STK31: variants seen among roughly 807,000 people sequenced by gnomAD.
The protein encoded by STK31 is serine/threonine-protein kinase 31.
STK31 carries 89 observed loss-of-function variants against 129.7 expected under a neutral mutation model. The ratio of observed to expected loss-of-function variants is 0.69; its 90% confidence interval spans 0.58 to 0.82. The LOEUF is 0.82. STK31 is among the 40% of genes least tolerant of loss of function. STK31 has a pLI of 0.00. For missense variants in STK31, 1,187 were observed against 1,176.4 expected, an observed-to-expected ratio of 1.01 and a Z score of -0.13; for synonymous variants, 448 against 395.3, an observed-to-expected ratio of 1.13 and a Z score of -1.58.
At chr7:23,778,748 G>A (rs1790717288) in intron 15 of STK31, among the ~76,000 whole-genome samples, 1 of 151,796 alleles carries the variant, frequency 6.6e-6, no homozygotes, top group Non-Finnish European at 1.5e-5. Context: ...TTTTTTCAAG[G>A]TTCTTAGCTT....
chr7:23,792,306 A>G (rs933809917), intron 22 of STK31, among the ~76,000 whole-genome samples: 2 of 152,208 alleles, frequency 1.3e-5, no homozygotes, highest in Non-Finnish European at 2.9e-5. Context: ...ATTTCAATAT[A>G]ATTGTGTTTT....
At chr7:23,763,757 A>T (rs371961102) in intron 11 of STK31, among the ~76,000 whole-genome samples, 3 of 111,480 alleles carry the variant, frequency 2.7e-5, no homozygotes, top group East Asian at 4.9e-4. Context: ...TTCATTTGAA[A>T]TGTTTTCATT....
intron 23 of STK31, among the ~76,000 whole-genome samples, chr7:23,821,810 A>G (rs1056371944): frequency 1.3e-5 from 2 of 152,112 alleles, no homozygotes; most frequent in African/African-American, 4.8e-5. Context: ...TCTTTAATCA[A>G]TCTTGAATTG....
chr7:23,781,159 A>G (rs1017741794), intron 15 of STK31, among the ~76,000 whole-genome samples: 4 of 152,242 alleles, frequency 2.6e-5, no homozygotes, highest in African/African-American at 9.6e-5. Flanking sequence ...AATCTACAGC[A>G]GATGAAGAGA....
chr7:23,741,914 G>A (rs1371023270), intron 8 of STK31, among the ~76,000 whole-genome samples: 1 of 152,208 alleles, frequency 6.6e-6, no homozygotes, highest in Admixed American at 6.5e-5. Flanking sequence ...TCAGGCCAAA[G>A]TTGGGCCACA....
intron 4 of STK31, 138 bp downstream of exon 4, chr7:23,717,717 G>A: frequency 3.2e-6 from 2 of 630,824 alleles, no homozygotes; most frequent in South Asian, 2.1e-5. Context: ...TACTGTTATG[G>A]TATATTTATT....
chr7:23,788,495 G>A (rs974004049), intron 21 of STK31, among the ~76,000 whole-genome samples: 2 of 152,036 alleles, frequency 1.3e-5, no homozygotes, highest in Admixed American at 6.6e-5. Flanking sequence ...TTACATATAC[G>A]TACTTTGCTG....
At chr7:23,818,601 A>C (rs931756867) in intron 23 of STK31, among the ~76,000 whole-genome samples, 1 of 136,830 alleles carries the variant, frequency 7.3e-6, no homozygotes, top group Non-Finnish European at 1.5e-5. Context: ...TTCCTTCTTC[A>C]CTGCTTTTTT....
At position 23,785,545 on chromosome 7, in the gene STK31, T is replaced by A; in HGVS notation, c.2216T>A (p.Leu739His). 1 of 1,614,044 alleles carries A rather than the reference T, an allele frequency of 6.2e-7. No individual in the cohort carries two copies. The highest frequency in any genetic ancestry group is 1.1e-5 in the South Asian group (1 of 91,082). ...DLLDAEPMKE[L>H]SSKRPLVRSE... Reference sequence around the variant, plus strand: ...CTTGATGCTGAGCCCATGAAGGAACTTAGCAGCAAGCGTCCTTTGGTACGT... The same window carrying A: ...CTTGATGCTGAGCCCATGAAGGAACATAGCAGCAAGCGTCCTTTGGTACGT... The change falls in exon 18 of 24, where the codon CTT becomes CAT. Residue 739 changes from leucine to histidine, a missense_variant. Coordinates refer to ENST00000355870, the MANE Select transcript of STK31 (RefSeq NM_031414.5).
At chr7:23,749,465 C>G (rs4722263) in intron 8 of STK31, among the ~76,000 whole-genome samples, 68,381 of 147,874 alleles carry the variant, frequency 0.46, 16,350 homozygotes, top group Admixed American at 0.55. Context: ...ACCTCAGCCT[C>G]CTGAGTAACT....
At chr7:23,762,293 G>A (rs1789523648) in intron 10 of STK31, among the ~76,000 whole-genome samples, 1 of 137,160 alleles carries the variant, frequency 7.3e-6, no homozygotes, top group Admixed American at 8.7e-5. Context: ...TCTTTCTTGG[G>A]TACAGGATGG....
At chr7:23,743,097 G>C (rs11982084) in intron 8 of STK31, among the ~76,000 whole-genome samples, 69,722 of 149,950 alleles carry the variant, frequency 0.46, 16,830 homozygotes, top group Admixed American at 0.55. Context: ...GGATTATAAG[G>C]ACCTGCCACC....
chr7:23,721,382 A>T, intron 4 of STK31: 1 of 1,009,434 alleles, frequency 9.9e-7, no homozygotes, highest in Non-Finnish European at 1.5e-6. Context: ...TTTTCTCAGT[A>T]AATTTTGAGG....
intron 4 of STK31, among the ~76,000 whole-genome samples, chr7:23,726,890 A>G (rs1026787485): frequency 1.3e-5 from 2 of 152,240 alleles, no homozygotes; most frequent in Admixed American, 6.5e-5. Context: ...AAATTGTACC[A>G]ATTATCGCCT....
chr7:23,733,382 T>C (rs1297468155), intron 6 of STK31, among the ~76,000 whole-genome samples: 1 of 146,594 alleles, frequency 6.8e-6, no homozygotes, highest in African/African-American at 2.5e-5. Flanking sequence ...CAAGACCCCA[T>C]CTAAAAAATT....
At chr7:23,814,449 AG>A (rs1373478484) in intron 22 of STK31, among the ~76,000 whole-genome samples, 1 of 152,024 alleles carries the variant, frequency 6.6e-6, no homozygotes, top group Non-Finnish European at 1.5e-5. Context: ...TTTGAAAGCT[AG>A]GTATTTTGTA....
intron 19 of STK31, 25 bp downstream of exon 19, chr7:23,786,658 G>A: frequency 6.3e-7 from 1 of 1,597,034 alleles, no homozygotes; most frequent in Non-Finnish European, 8.5e-7. Flanking sequence ...CTAATCTCTT[G>A]CAGAAACCAT....
At chr7:23,737,216 G>T in intron 8 of STK31, 138 bp downstream of exon 8, 1 of 736,468 alleles carries the variant, frequency 1.4e-6, no homozygotes, top group East Asian at 3.3e-5. Flanking sequence ...TTGTTTATAG[G>T]TGAATTTTTT....
chr7:23,755,849 G>T (rs986966791), intron 10 of STK31, among the ~76,000 whole-genome samples: 1 of 152,072 alleles, frequency 6.6e-6, no homozygotes, highest in African/African-American at 2.4e-5. Flanking sequence ...TGCTCCATTG[G>T]TCTATATGTC....
Sources: allele counts gnomAD v4.1 joint callset (sites outside exome capture counted in the v4.1 genomes callset), GRCh38; gene constraint gnomAD v4.1.1; transcripts MANE v1.5; gene names NCBI Gene and HGNC (gene_info 2026-07-23, HGNC 2026-07-21).